The following CACNB2 variants were observed in gnomAD, a reference collection of about 807,000 sequenced individuals.
CACNB2 encodes calcium voltage-gated channel auxiliary subunit beta 2.
CACNB2 carries 42 observed loss-of-function variants against 73.3 expected under a neutral mutation model. The observed-to-expected ratio is 0.57, with a 90% CI of 0.45 to 0.74. The LOEUF (loss-of-function observed/expected upper bound fraction) is 0.74. CACNB2 is among the 30% of genes least tolerant of loss of function. CACNB2 has a pLI of 0.00. For missense variants in CACNB2, 940 were observed against 853.0 expected (o/e 1.10, Z -1.27); for synonymous variants, 348 against 310.3 (o/e 1.12, Z -1.28).
At chr10:18,379,170 T>C (rs570994564) in intron 2 of CACNB2, among the ~76,000 whole-genome samples, 3 of 152,232 alleles carry the variant, frequency 2.0e-5, no homozygotes, top group Non-Finnish European at 2.9e-5. Flanking sequence ...ACATACATAA[T>C]ATAAAATTTG....
In CACNB2 at chr10:18,539,643, C is replaced by G; in HGVS notation, c.1902C>G (p.Tyr634Ter). 1 of 1,613,228 alleles carries G rather than the reference C, an allele frequency of 6.2e-7. No homozygotes were observed. The highest frequency in any genetic ancestry group is 8.5e-7 in the Non-Finnish European group (1 of 1,179,870). The change falls in exon 14 of 14, where the codon TAC (tyrosine) becomes TAG (stop). Residue 634 changes from tyrosine to a stop codon, truncating the protein, a stop_gained. Transcript: ENST00000324631. LOFTEE classifies it high-confidence loss of function. ...QRSRHKSKDR[Y>*]CEKDGEVISK... ...GCCGTCATAAATCCAAGGATCGCTACTGTGAAAAGGATGGAGAAGTGATAT... is the reference window on the plus strand; with the variant it reads ...GCCGTCATAAATCCAAGGATCGCTAGTGTGAAAAGGATGGAGAAGTGATAT...
chr10:18,343,199 A>G (rs778854908), intron 2 of CACNB2, among the ~76,000 whole-genome samples: 4 of 152,166 alleles, frequency 2.6e-5, no homozygotes, highest in Non-Finnish European at 4.4e-5. Flanking sequence ...TGAACATGGT[A>G]TCTTTAATAA....
At chr10:18,233,963 C>G (rs2036325584) in intron 2 of CACNB2, among the ~76,000 whole-genome samples, 1 of 152,188 alleles carries the variant, frequency 6.6e-6, no homozygotes, top group Non-Finnish European at 1.5e-5. Flanking sequence ...TAGGCGTCCC[C>G]TACTGTTGCA....
intron 3 of CACNB2, among the ~76,000 whole-genome samples, chr10:18,455,353 A>G (rs909003003): frequency 6.6e-5 from 10 of 152,322 alleles, no homozygotes; most frequent in South Asian, 2.1e-4. Context: ...TATTAGGTAG[A>G]TGAGTGCTGA....
intron 2 of CACNB2, among the ~76,000 whole-genome samples, chr10:18,191,762 T>A (rs547446007): frequency 5.4e-4 from 83 of 152,328 alleles, no homozygotes; most frequent in African/African-American, 1.9e-3. Context: ...CTGCAAATGC[T>A]GTTAATTCAT....
intron 3 of CACNB2, 83 bp from the exon 4 acceptor site, chr10:18,498,272 A>G: frequency 6.6e-7 from 1 of 1,506,180 alleles, no homozygotes; most frequent in Non-Finnish European, 9.2e-7. Flanking sequence ...GTAGTTATTC[A>G]GTATGTCTTT....
chr10:18,474,773 T>TC lies in CACNB2; in HGVS notation c.334-23575dup, dbSNP rs77619276. On this transcript the variant is annotated intron_variant, in intron 3 of 13. Transcript: ENST00000324631. ...TTCCAACAACAGATGTGGGTTGTTT[T>TC]CCCCCCCAACAGCAAGCAGTTCTCC... Among the ~76,000 whole-genome samples, 980 of 151,870 alleles carry TC rather than the reference T, an allele frequency of 6.5e-3. 25 individuals are homozygous for TC. In the East Asian group the frequency reaches 0.087, roughly 13 times the overall value.
At chr10:18,372,302 G>C (rs1209267559) in intron 2 of CACNB2, among the ~76,000 whole-genome samples, 1 of 152,142 alleles carries the variant, frequency 6.6e-6, no homozygotes, top group Non-Finnish European at 1.5e-5. Flanking sequence ...GAATGGTATT[G>C]CCTAGGTTTT....
intron 2 of CACNB2, among the ~76,000 whole-genome samples, chr10:18,305,616 T>A (rs1484712110): frequency 6.6e-6 from 1 of 152,190 alleles, no homozygotes; most frequent in Non-Finnish European, 1.5e-5. Flanking sequence ...CTATCCTTAT[T>A]CCATAGCTGG....
At chr10:18,470,798 G>T (rs958612684) in intron 3 of CACNB2, among the ~76,000 whole-genome samples, 11 of 151,608 alleles carry the variant, frequency 7.3e-5, no homozygotes, top group Non-Finnish European at 1.3e-4. Context: ...GGGTGTGGAT[G>T]GTGGTGGTGT....
intron 2 of CACNB2, among the ~76,000 whole-genome samples, chr10:18,355,422 G>A (rs1015557753): frequency 2.0e-5 from 3 of 151,620 alleles, no homozygotes; most frequent in Non-Finnish European, 4.4e-5. Flanking sequence ...TGTAACTAAC[G>A]ATTTGGTGTT....
At chr10:18,266,360 GTCTTTCCAAGTT>G (rs1292201289) in intron 2 of CACNB2, among the ~76,000 whole-genome samples, 1 of 152,156 alleles carries the variant, frequency 6.6e-6, no homozygotes, top group Non-Finnish European at 1.5e-5. Flanking sequence ...TGTTTGGAAT[GTCTTTCCAAGTT>G]TAAATAATGG....
At chr10:18,490,605 T>A (rs2049353797) in intron 3 of CACNB2, among the ~76,000 whole-genome samples, 1 of 151,960 alleles carries the variant, frequency 6.6e-6, no homozygotes, top group South Asian at 2.1e-4. Context: ...AGAGGTTGAG[T>A]GAAAGTGAAA....
At chr10:18,261,030 G>A (rs1012424793) in intron 2 of CACNB2, 3 of 1,415,754 alleles carry the variant, frequency 2.1e-6, no homozygotes, top group Non-Finnish European at 2.8e-6. Flanking sequence ...CCTTGAAGAA[G>A]ATCTCAAATT....
intron 2 of CACNB2, among the ~76,000 whole-genome samples, chr10:18,302,097 A>G (rs916406192): frequency 6.6e-6 from 1 of 152,204 alleles, no homozygotes; most frequent in Non-Finnish European, 1.5e-5. Context: ...GAAATAGCAT[A>G]GTAATTGATT....
intron 10 of CACNB2, among the ~76,000 whole-genome samples, chr10:18,530,232 C>T (rs2052862173): frequency 6.6e-6 from 1 of 152,238 alleles, no homozygotes; most frequent in Middle Eastern, 3.4e-3. Flanking sequence ...AGACCATGTA[C>T]AGACTGGAGG....
At chr10:18,325,971 C>T (rs1423716006) in intron 2 of CACNB2, among the ~76,000 whole-genome samples, 1 of 151,990 alleles carries the variant, frequency 6.6e-6, no homozygotes, top group East Asian at 1.9e-4. Flanking sequence ...TCTTGAACTC[C>T]TGGGCTCAAA....
rs566499347 is a variant in CACNB2 at position 18,231,519 on chromosome 10, T to A, written c.213+80544T>A. 3.7e-4 allele frequency among the ~76,000 whole-genome samples: 56 copies of A among 152,356 alleles called. 1 individual carries two copies. The South Asian group carries it at 0.011, about 30-fold the overall frequency. The stretch of plus-strand genomic sequence containing the variant: ...TGTCTTGTGTATCTCTTTATGTATT[T>A]GAATCCTCTTCCCAATTAGACTGCA... On this transcript the variant is annotated intron_variant, in intron 2 of 13. Transcript: ENST00000324631.
intron 2 of CACNB2, among the ~76,000 whole-genome samples, chr10:18,181,486 T>A (rs908440086): frequency 1.3e-5 from 2 of 152,120 alleles, no homozygotes; most frequent in Admixed American, 6.5e-5. Context: ...TTGAGAAAAT[T>A]ACCTATTTGC....
Sources: gnomAD v4.1 joint callset for allele counts (sites outside exome capture counted in the v4.1 genomes callset) on GRCh38, gnomAD v4.1.1 for gene constraint, MANE v1.5 for transcripts, NCBI Gene and HGNC (gene_info 2026-07-23, HGNC 2026-07-21) for gene names.